Variants in NLGN1 observed in about 807,000 individuals in gnomAD.
NLGN1 encodes neuroligin-1.
NLGN1 carries 12 observed loss-of-function variants against 65.5 expected under a neutral mutation model. The ratio of observed to expected loss-of-function variants is 0.18; its 90% CI spans 0.12 to 0.30. The LOEUF (loss-of-function observed/expected upper bound fraction) is 0.30. Among genes scored for constraint, NLGN1 ranks in the 10% least tolerant of loss-of-function variants. NLGN1 has a pLI of 1.00. For missense variants in NLGN1, 750 were observed against 1,007.1 expected, an observed-to-expected ratio of 0.74 and a Z score of 3.46; for synonymous variants, 350 against 359.5, an observed-to-expected ratio of 0.97 and a Z score of 0.30.
chr3:174,037,873 G>A (rs1731479571), intron 4 of NLGN1, among the ~76,000 whole-genome samples: 1 of 149,832 alleles, frequency 6.7e-6, no homozygotes, highest in South Asian at 2.1e-4. Context: ...AATTGACGGT[G>A]TGGTGAAACA....
chr3:174,255,034 A>G (rs1745421750), intron 4 of NLGN1, among the ~76,000 whole-genome samples: 1 of 152,238 alleles, frequency 6.6e-6, no homozygotes, highest in Admixed American at 6.5e-5. Context: ...GTGTTAAACA[A>G]ATTTCCAACT....
intron 2 of NLGN1, among the ~76,000 whole-genome samples, chr3:173,542,474 A>G (rs1739058918): frequency 6.6e-6 from 1 of 152,058 alleles, no homozygotes; most frequent in Non-Finnish European, 1.5e-5. Context: ...GAAGTGAGGT[A>G]AATAAACATT....
intron 4 of NLGN1, among the ~76,000 whole-genome samples, chr3:173,929,039 G>A (rs2152280832): frequency 6.6e-6 from 1 of 152,228 alleles, no homozygotes; most frequent in Admixed American, 6.5e-5. Context: ...TCCTATTCTT[G>A]TAGAATGCTG....
intron 4 of NLGN1, among the ~76,000 whole-genome samples, chr3:174,150,209 G>A (rs1306462904): frequency 6.6e-6 from 1 of 151,972 alleles, no homozygotes; most frequent in Non-Finnish European, 1.5e-5. Flanking sequence ...CACATAGTGG[G>A]CATTATTAAT....
chr3:174,027,830 C>T (rs1729145201), intron 4 of NLGN1, among the ~76,000 whole-genome samples: 1 of 152,096 alleles, frequency 6.6e-6, no homozygotes. Flanking sequence ...TAGATCAGTG[C>T]ATATCTGATA....
chr3:174,127,702 G>A (rs1206441881), intron 4 of NLGN1, among the ~76,000 whole-genome samples: 1 of 152,144 alleles, frequency 6.6e-6, no homozygotes, highest in East Asian at 1.9e-4. Flanking sequence ...GGCTTGAGTT[G>A]AGTGTAATAA....
At chr3:173,979,537 G>C (rs1327707738) in intron 4 of NLGN1, among the ~76,000 whole-genome samples, 1 of 152,034 alleles carries the variant, frequency 6.6e-6, no homozygotes, top group Non-Finnish European at 1.5e-5. Context: ...AAATGGGTAA[G>C]AGGTAAAAAG....
At chr3:173,471,035 C>A (rs1725233853) in intron 2 of NLGN1, among the ~76,000 whole-genome samples, 1 of 152,040 alleles carries the variant, frequency 6.6e-6, no homozygotes, top group Non-Finnish European at 1.5e-5. Flanking sequence ...TTCTAATTAT[C>A]TTTCTAGGAA....
At chr3:173,975,994 CTATT>C (rs1405012298) in intron 4 of NLGN1, among the ~76,000 whole-genome samples, 4 of 152,072 alleles carry the variant, frequency 2.6e-5, no homozygotes, top group East Asian at 1.9e-4. Flanking sequence ...TACTAACTGA[CTATT>C]TATCTACTAT....
rs571759487 is a variant in NLGN1, at chr3:173,909,923, C to G, written c.646+102091C>G. 9.2e-5 allele frequency among the ~76,000 whole-genome samples: 14 copies of G among 152,256 alleles called. No homozygotes were observed. In the East Asian group the frequency reaches 1.9e-3, roughly 21 times the overall value. ...AAACTCCTGACCTTAGGTGTTCCAC[C>G]CTACTTGGCCTCCCAAAGTGCTGGC... On this transcript the variant is annotated intron_variant, in intron 4 of 6. Coordinates refer to ENST00000457714, the Ensembl canonical transcript of NLGN1.
chr3:173,703,937 G>T (rs1767634761), intron 3 of NLGN1, among the ~76,000 whole-genome samples: 1 of 152,124 alleles, frequency 6.6e-6, no homozygotes. Flanking sequence ...AAATAATTAG[G>T]TTTTATAGGC....
intron 3 of NLGN1, among the ~76,000 whole-genome samples, chr3:173,647,979 A>G (rs778048076): frequency 1.3e-5 from 2 of 152,160 alleles, no homozygotes; most frequent in African/African-American, 2.4e-5. Context: ...CCATTAATCT[A>G]TGGATTTAAT....
Position 174,152,353 on chromosome 3 carries a change from CAG to C in NLGN1, c.647-122960_647-122959del, listed in dbSNP as rs542781564. 3.6e-3 allele frequency among the ~76,000 whole-genome samples: 542 copies of C among 152,138 alleles called. 3 individuals carry two copies. The highest frequency in any genetic ancestry group is 0.013 in the African/African-American group (520 of 41,518). On this transcript the variant is annotated intron_variant, in intron 4 of 6. Coordinates refer to ENST00000457714, the Ensembl canonical transcript of NLGN1. The stretch of plus-strand genomic sequence containing the variant: ...TAGATTCTTCACAAGGAAAAACAAA[CAG>C]ATGTTCTTAATGTCAAAGAAATATT...
chr3:173,835,822 A>G (rs1032820506), intron 4 of NLGN1, among the ~76,000 whole-genome samples: 1 of 152,190 alleles, frequency 6.6e-6, no homozygotes, highest in Non-Finnish European at 1.5e-5. Flanking sequence ...TGAGAATGAG[A>G]AATTTAGAAC....
chr3:174,059,251 G>GT (rs1736859957), intron 4 of NLGN1, among the ~76,000 whole-genome samples: 1 of 152,048 alleles, frequency 6.6e-6, no homozygotes, highest in African/African-American at 2.4e-5. Flanking sequence ...AGTTAATCTA[G>GT]TGAACAGATT....
At chr3:173,487,579 A>G (rs922384725) in intron 2 of NLGN1, among the ~76,000 whole-genome samples, 9 of 152,150 alleles carry the variant, frequency 5.9e-5, no homozygotes, top group Admixed American at 2.0e-4. Context: ...GTCAAATTCC[A>G]TATTGGCTTT....
chr3:173,939,979 A>G (rs2152306113), intron 4 of NLGN1, among the ~76,000 whole-genome samples: 1 of 152,224 alleles, frequency 6.6e-6, no homozygotes, highest in African/African-American at 2.4e-5. Context: ...ATCCACTAAA[A>G]ATACTAAAAC....
intron 4 of NLGN1, among the ~76,000 whole-genome samples, chr3:173,930,642 A>G (rs138255142): frequency 5.9e-5 from 9 of 152,332 alleles, no homozygotes; most frequent in African/African-American, 1.7e-4. Context: ...TTGTACCCCA[A>G]AATACGAATT....
At chr3:173,469,342 C>T (rs1467506871) in intron 2 of NLGN1, among the ~76,000 whole-genome samples, 3 of 152,056 alleles carry the variant, frequency 2.0e-5, no homozygotes, top group African/African-American at 7.2e-5. Flanking sequence ...GCATCCCAAA[C>T]ATAGCAATAC....
Sources: allele counts gnomAD v4.1 joint callset (sites outside exome capture counted in the v4.1 genomes callset), GRCh38; gene constraint gnomAD v4.1.1; transcripts MANE v1.5; gene names NCBI Gene and HGNC (gene_info 2026-07-23, HGNC 2026-07-21).